Variants in TCF4 observed in about 807,000 individuals in gnomAD.
The protein encoded by TCF4 is SL3-3 enhancer factor 2.
TCF4 carries 3 observed loss-of-function variants against 82.1 expected under a neutral mutation model. That is an observed-to-expected ratio of 0.04 (90% CI 0.02 to 0.09). The LOEUF is 0.09. Ranked by LOEUF, TCF4 falls within the 10% of genes least tolerant of loss-of-function variation. The probability of loss-of-function intolerance (pLI) is 1.00; values close to 1 mark genes in which losing one functional copy is unlikely to be tolerated. For synonymous variants in TCF4, 276 were observed against 309.6 expected, an observed-to-expected ratio of 0.89 and a Z score of 1.14; for missense variants, 518 against 852.7, an observed-to-expected ratio of 0.61 and a Z score of 4.89.
At chr18:55,587,022 T>C in intron 2 of TCF4, 23 bp downstream of exon 2, 7 of 1,607,162 alleles carry the variant, frequency 4.4e-6, no homozygotes, top group Non-Finnish European at 6.0e-6. Context: ...CAGCTGTTGT[T>C]AGTTTCCACC....
chr18:55,610,630 A>G (rs1345240014), intron 2 of TCF4, among the ~76,000 whole-genome samples: 5 of 152,140 alleles, frequency 3.3e-5, no homozygotes, highest in Non-Finnish European at 7.3e-5. Flanking sequence ...ATAAAAAGGG[A>G]TGTTATATAT....
At chr18:55,563,949 A>G (rs2097377584) in intron 3 of TCF4, among the ~76,000 whole-genome samples, 1 of 152,260 alleles carries the variant, frequency 6.6e-6, no homozygotes, top group South Asian at 2.1e-4. Context: ...GCATGATCTC[A>G]CAGAACTATC....
intron 3 of TCF4, among the ~76,000 whole-genome samples, chr18:55,483,167 G>A (rs568458743): frequency 6.6e-6 from 1 of 152,232 alleles, no homozygotes; most frequent in South Asian, 2.1e-4. Context: ...GCCCCTCAAA[G>A]GGGCCGTCCA....
At chr18:55,362,957 G>T (rs1196236477) in intron 6 of TCF4, among the ~76,000 whole-genome samples, 1 of 152,108 alleles carries the variant, frequency 6.6e-6, no homozygotes, top group Non-Finnish European at 1.5e-5. Context: ...ATTTTTAAAA[G>T]AAAATCTTTT....
chr18:55,531,415 G>A (rs751405691), intron 3 of TCF4, among the ~76,000 whole-genome samples: 3 of 152,098 alleles, frequency 2.0e-5, no homozygotes, highest in Admixed American at 6.5e-5. Context: ...GTAGAGAATG[G>A]GGGAAGGAAA....
chr18:55,309,642 A>T (rs759110115), intron 8 of TCF4, among the ~76,000 whole-genome samples: 9 of 152,212 alleles, frequency 5.9e-5, no homozygotes, highest in Non-Finnish European at 1.2e-4. Flanking sequence ...TGTAAGCTTT[A>T]TTTTAACTGT....
At chr18:55,510,515 G>A (rs1044558492) in intron 3 of TCF4, 1 of 1,250,180 alleles carries the variant, frequency 8.0e-7, no homozygotes, top group African/African-American at 1.5e-5. Flanking sequence ...GGATACAGAA[G>A]TCGATAGATC....
intron 6 of TCF4, among the ~76,000 whole-genome samples, chr18:55,387,546 G>C (rs918898473): frequency 6.6e-6 from 1 of 152,206 alleles, no homozygotes; most frequent in African/African-American, 2.4e-5. Context: ...TGGTCACTGA[G>C]GGTAAACAGT....
At chr18:55,586,061 G>A in intron 2 of TCF4, 1 of 1,416,066 alleles carries the variant, frequency 7.1e-7, no homozygotes. Flanking sequence ...GCCTGCCTAG[G>A]GCTACGTTTC....
intron 2 of TCF4, among the ~76,000 whole-genome samples, chr18:55,621,476 A>ATGTACATTATATATATT (rs1568500198): frequency 0.027 from 202 of 7,504 alleles, 3 homozygotes; most frequent in Admixed American, 0.046. Flanking sequence ...TATATATAAA[A>ATGTACATTATATATATT]ATATAATATA....
chr18:55,231,964 T>G (rs2048044808), intron 17 of TCF4: 1 of 152,740 alleles, frequency 6.5e-6, no homozygotes, highest in South Asian at 2.1e-4. Context: ...TAGCAGATAT[T>G]TAAGAAAACC....
chr18:55,521,021 A>G (rs1603618690), intron 3 of TCF4, among the ~76,000 whole-genome samples: 2 of 152,052 alleles, frequency 1.3e-5, no homozygotes, highest in Non-Finnish European at 2.9e-5. Flanking sequence ...CTTCTGCACT[A>G]TGTCTTTGTG....
chr18:55,354,534 A>C lies in TCF4; in HGVS notation c.370-3531T>G, dbSNP rs538000143. 1.6e-4 allele frequency among the ~76,000 whole-genome samples: 25 copies of C among 152,264 alleles called. No individual in the cohort carries two copies. In the South Asian group the frequency reaches 5.0e-3, roughly 30 times the overall value. ...TAACAGAAAAGCAGCATATATCTCA[A>C]ATTAGATTTATAACTGAATGGTAAT... is the stretch of plus-strand genomic sequence containing the variant. On this transcript the variant is annotated intron_variant, in intron 6 of 19. Coordinates refer to ENST00000354452, the MANE Select transcript of TCF4 (RefSeq NM_001083962.2).
At chr18:55,574,986 C>T (rs2097514573) in intron 3 of TCF4, among the ~76,000 whole-genome samples, 1 of 152,162 alleles carries the variant, frequency 6.6e-6, no homozygotes, top group Non-Finnish European at 1.5e-5. Context: ...CTTCTTTAAA[C>T]AATCAAGCCT....
chr18:55,600,403 G>T (rs1179354342), intron 2 of TCF4, among the ~76,000 whole-genome samples: 1 of 152,124 alleles, frequency 6.6e-6, no homozygotes, highest in Admixed American at 6.5e-5. Context: ...TTTATATATT[G>T]CTGCTGCCTC....
intron 3 of TCF4, among the ~76,000 whole-genome samples, chr18:55,506,113 A>C (rs767895685): frequency 2.8e-4 from 42 of 152,222 alleles, no homozygotes; most frequent in Non-Finnish European, 2.6e-4. Flanking sequence ...CCAGTTTTAA[A>C]GATCAGATTC....
At chr18:55,294,503 AG>A (rs970635480) in intron 8 of TCF4, among the ~76,000 whole-genome samples, 10 of 152,174 alleles carry the variant, frequency 6.6e-5, no homozygotes, top group African/African-American at 2.4e-4. Context: ...TTAGTGTTGA[AG>A]GGAAGTATAC....
Position 55,522,207 on chromosome 18 carries a change from A to G in TCF4, c.146-58070T>C, listed in dbSNP as rs376552968. The stretch of plus-strand genomic sequence containing the variant: ...TTCTACTCTCCCTCCAGCGCCTCCT[A>G]TTGGTAGAGGCTGACATGGAGACCA... On this transcript the variant is annotated intron_variant, in intron 3 of 19. Coordinates refer to ENST00000354452, the MANE Select transcript of TCF4 (RefSeq NM_001083962.2). 4.0e-4 allele frequency among the ~76,000 whole-genome samples: 61 copies of G among 152,326 alleles called. No individual in the cohort carries two copies. In the South Asian group the frequency reaches 6.0e-3, roughly 15 times the overall value.
At chr18:55,502,932 A>G (rs2096715947) in intron 3 of TCF4, among the ~76,000 whole-genome samples, 1 of 152,234 alleles carries the variant, frequency 6.6e-6, no homozygotes. Context: ...TCAACCTTAC[A>G]GTGGAATACT....
Sources: gnomAD v4.1 joint callset for allele counts (sites outside exome capture counted in the v4.1 genomes callset) on GRCh38, gnomAD v4.1.1 for gene constraint, MANE v1.5 for transcripts, NCBI Gene and HGNC (gene_info 2026-07-23, HGNC 2026-07-21) for gene names.